The following ATP1B3 variants were observed in gnomAD, a reference collection of about 807,000 sequenced individuals.
The protein encoded by ATP1B3 is sodium/potassium-transporting ATPase subunit beta-3.
Under a neutral mutation model 30.2 loss-of-function variants are expected in ATP1B3, and 10 were observed. The ratio of observed to expected loss-of-function variants is 0.33; its 90% CI spans 0.20 to 0.56. The LOEUF (loss-of-function observed/expected upper bound fraction) is 0.56. ATP1B3 is among the 20% of genes least tolerant of loss of function. ATP1B3 has a pLI of 0.90. For synonymous variants in ATP1B3, 113 were observed against 117.0 expected, an observed-to-expected ratio of 0.97 and a Z score of 0.22; for missense variants, 238 against 336.7, an observed-to-expected ratio of 0.71 and a Z score of 2.29.
At chr3:141,910,359 C>T (rs1480224930) in intron 3 of ATP1B3, among the ~76,000 whole-genome samples, 5 of 152,112 alleles carry the variant, frequency 3.3e-5, no homozygotes, top group Non-Finnish European at 5.9e-5. Context: ...ATAAATATTA[C>T]ACTTTTCCTG....
intron 1 of ATP1B3, among the ~76,000 whole-genome samples, chr3:141,881,617 G>A (rs1225214237): frequency 6.6e-6 from 1 of 152,172 alleles, no homozygotes; most frequent in Non-Finnish European, 1.5e-5. Context: ...CCTGTGGAGT[G>A]TGCCATTAAC....
chr3:141,893,660 C>T (rs1934002002), intron 1 of ATP1B3, among the ~76,000 whole-genome samples: 1 of 152,134 alleles, frequency 6.6e-6, no homozygotes, highest in African/African-American at 2.4e-5. Context: ...CAATAAACTG[C>T]ACATATTTGA....
chr3:141,881,620 C>T (rs1402923273), intron 1 of ATP1B3, among the ~76,000 whole-genome samples: 1 of 152,106 alleles, frequency 6.6e-6, no homozygotes, highest in Non-Finnish European at 1.5e-5. Context: ...GTGGAGTGTG[C>T]CATTAACCCA....
chr3:141,906,304 C>T (rs1401008826), intron 2 of ATP1B3, among the ~76,000 whole-genome samples: 1 of 152,050 alleles, frequency 6.6e-6, no homozygotes, highest in African/African-American at 2.4e-5. Flanking sequence ...CTCAGTCTCC[C>T]AAGTAACTGG....
intron 3 of ATP1B3, among the ~76,000 whole-genome samples, chr3:141,912,533 T>G (rs1423856659): frequency 6.6e-6 from 1 of 152,184 alleles, no homozygotes; most frequent in African/African-American, 2.4e-5. Context: ...AGTGCTGGGA[T>G]TACAGGCATG....
At chr3:141,909,704 A>T (rs1934322944) in intron 3 of ATP1B3, among the ~76,000 whole-genome samples, 1 of 152,204 alleles carries the variant, frequency 6.6e-6, no homozygotes, top group Admixed American at 6.5e-5. Context: ...GTTAAAGGAG[A>T]TCCAGACTGT....
At chr3:141,877,658 T>G (rs1559862805) in intron 1 of ATP1B3, 2 of 128,714 alleles carry the variant, frequency 1.6e-5, no homozygotes, top group Admixed American at 1.5e-4. Context: ...ACAACACAGG[T>G]TTTTTTTTTT....
intron 5 of ATP1B3, chr3:141,921,597 T>A (rs1322650906): frequency 6.4e-6 from 1 of 156,570 alleles, no homozygotes; most frequent in Admixed American, 6.5e-5. Flanking sequence ...ATTTTATTCA[T>A]TTCAGGAAAA....
intron 1 of ATP1B3, among the ~76,000 whole-genome samples, chr3:141,889,360 G>A (rs1186708896): frequency 6.6e-6 from 1 of 151,952 alleles, no homozygotes; most frequent in African/African-American, 2.4e-5. Flanking sequence ...CTTAAAAATT[G>A]CTGCAGTGCA....
chr3:141,922,185 A>G (rs1334266027), intron 6 of ATP1B3, 122 bp downstream of exon 6: 3 of 595,826 alleles, frequency 5.0e-6, no homozygotes, highest in Non-Finnish European at 8.9e-6. Context: ...TCATCTATTC[A>G]GGTTTTGTTT....
chr3:141,883,460 A>G (rs146557566), intron 1 of ATP1B3, among the ~76,000 whole-genome samples: 13 of 152,294 alleles, frequency 8.5e-5, no homozygotes, highest in Non-Finnish European at 1.6e-4. Flanking sequence ...CGAGGCTACA[A>G]TGAGCTGTAA....
chr3:141,876,801 C>A lies in ATP1B3; in HGVS notation c.-1C>A. ...CTCCTCTCGCCGTCCGCGCGCACAC[C>A]ATGACGAAGAACGAGAAGAAGTCCC... On this transcript the variant is annotated 5_prime_UTR_variant, in exon 1 of 7. Coordinates refer to ENST00000286371, the MANE Select transcript of ATP1B3 (RefSeq NM_001679.4). The A allele has an allele frequency of 6.3e-7, 1 of 1,589,456 alleles. No individual in the cohort carries two copies. Among genetic ancestry groups the A allele is most frequent in the Non-Finnish European group, 8.6e-7 (1 of 1,167,240 alleles).
chr3:141,915,887 C>T (rs1475754515), intron 4 of ATP1B3, 83 bp from the exon 5 acceptor site: 11 of 1,059,164 alleles, frequency 1.0e-5, no homozygotes, highest in East Asian at 9.8e-5. Context: ...AAAGTCTTCA[C>T]CCCTTGTTCC....
chr3:141,912,752 G>T (rs1045751041), intron 3 of ATP1B3, among the ~76,000 whole-genome samples: 1 of 152,178 alleles, frequency 6.6e-6, no homozygotes, highest in South Asian at 2.1e-4. Flanking sequence ...GCTAAACACT[G>T]TGCCAAGTAC....
intron 1 of ATP1B3, among the ~76,000 whole-genome samples, chr3:141,890,086 CTTTTTTTTTTT>C (rs1245235657): frequency 2.8e-5 from 3 of 107,550 alleles, no homozygotes; most frequent in South Asian, 3.2e-4. Flanking sequence ...AATTTTTTTT[CTTTTTTTTTTT>C]TTTTTTTTTT....
intron 6 of ATP1B3, among the ~76,000 whole-genome samples, chr3:141,924,177 C>A (rs1934613954): frequency 1.3e-5 from 2 of 151,070 alleles, no homozygotes; most frequent in South Asian, 4.2e-4. Flanking sequence ...AACGCTGTCT[C>A]TACTAAAAAT....
chr3:141,903,513 G>T, intron 1 of ATP1B3, 107 bp from the exon 2 acceptor site: 1 of 1,495,656 alleles, frequency 6.7e-7, no homozygotes. Context: ...GGCAAAGCTT[G>T]GGATCGTACC....
chr3:141,903,629 T>C lies in ATP1B3; in HGVS notation c.119T>C (p.Leu40Ser), dbSNP rs1559869849. The C allele has an allele frequency of 1.9e-6, 3 of 1,613,948 alleles. No homozygotes were observed. The highest frequency in any genetic ancestry group is 2.5e-6 in the Non-Finnish European group (3 of 1,179,818). Residue 40 changes from leucine to serine, a missense_variant, in exon 2 of 7, where the codon TTG (leucine) becomes TCG (serine). This residue lies in a region of ATP1B3 where 130 missense variants were observed against 148.8 expected (regional missense o/e 0.87). Transcript: ENST00000286371. ...GRTAKSWGLI[L>S]LFYLVFYGFL... ...TTATTTTCTTTTACAGGTTTGATCT[T>C]GCTCTTCTACCTAGTTTTTTATGGG...
intron 3 of ATP1B3, among the ~76,000 whole-genome samples, chr3:141,913,417 A>G (rs1934403756): frequency 6.6e-6 from 1 of 152,214 alleles, no homozygotes; most frequent in African/African-American, 2.4e-5. Context: ...TAATGGTGAC[A>G]GAAGAGATGG....
Sources: gnomAD v4.1 joint callset for allele counts (sites outside exome capture counted in the v4.1 genomes callset) on GRCh38, gnomAD v4.1.1 for gene constraint, gnomAD v4.1.1 regional missense constraint, MANE v1.5 for transcripts, NCBI Gene and HGNC (gene_info 2026-07-23, HGNC 2026-07-21) for gene names.